Variants in ZNF385D observed in about 807,000 individuals in gnomAD.
The protein encoded by ZNF385D is zinc finger protein 659.
Under a neutral mutation model 35.8 loss-of-function variants are expected in ZNF385D, and 15 were observed. That is an observed-to-expected ratio of 0.42 (90% CI 0.28 to 0.64). The LOEUF is 0.64. Among genes scored for constraint, ZNF385D ranks in the 30% least tolerant of loss-of-function variants. The pLI is 0.23. For synonymous variants in ZNF385D, 212 were observed against 186.8 expected, an observed-to-expected ratio of 1.13 and a Z score of -1.10; for missense variants, 474 against 494.6, an observed-to-expected ratio of 0.96 and a Z score of 0.39.
intron 3 of ZNF385D, among the ~76,000 whole-genome samples, chr3:22,059,181 T>C (rs1379529912): frequency 6.6e-6 from 1 of 152,170 alleles, no homozygotes; most frequent in Admixed American, 6.6e-5. Flanking sequence ...TGGAGGTGAC[T>C]GCCCTCTGGT....
At chr3:22,209,190 A>T (rs576673142) in intron 2 of ZNF385D, among the ~76,000 whole-genome samples, 2 of 152,058 alleles carry the variant, frequency 1.3e-5, no homozygotes, top group South Asian at 4.1e-4. Context: ...GGAGAGTTAC[A>T]AAAAGAGAGC....
intron 3 of ZNF385D, among the ~76,000 whole-genome samples, chr3:21,935,754 G>C (rs1447491419): frequency 3.4e-5 from 4 of 118,288 alleles, no homozygotes; most frequent in Non-Finnish European, 5.5e-5. Context: ...TACAACACTG[G>C]ACTTGAAACT....
At chr3:22,180,898 G>A (rs1695204538) in intron 2 of ZNF385D, among the ~76,000 whole-genome samples, 1 of 105,020 alleles carries the variant, frequency 9.5e-6, no homozygotes, top group Admixed American at 8.5e-5. Flanking sequence ...AAATCCAGTA[G>A]CTATATGCTT....
In ZNF385D at chr3:21,848,460, G is replaced by T. The variant is rs9874145; in HGVS notation, c.326-183432C>A. Among the ~76,000 whole-genome samples, 574 of 150,882 alleles carry T rather than the reference G, an allele frequency of 3.8e-3. 2 individuals carry two copies. Among genetic ancestry groups the T allele is most frequent in the African/African-American group, 0.013 (533 of 40,510 alleles). On this transcript the variant is annotated intron_variant, in intron 3 of 5. Transcript: ENST00000494108. ...AAACAACAAATATATAAATAAAATT[G>T]AGTTGGTTTTTTAAAAGATAAAATT... is the stretch of plus-strand genomic sequence containing the variant.
intron 3 of ZNF385D, among the ~76,000 whole-genome samples, chr3:21,924,157 CT>C (rs1184830598): frequency 6.6e-6 from 1 of 152,130 alleles, no homozygotes. Flanking sequence ...CTTCTGCTTC[CT>C]GGAAAATGGA....
chr3:22,080,903 A>T lies in ZNF385D; in HGVS notation c.325+87914T>A, dbSNP rs561474479. Among the ~76,000 whole-genome samples the T allele has an allele frequency of 2.2e-4, 34 of 152,220 alleles. No homozygotes were observed. The East Asian group carries it at 2.9e-3, about 13-fold the overall frequency. On this transcript the variant is annotated intron_variant, in intron 3 of 5. Coordinates refer to the ZNF385D transcript ENST00000494108. ...ACCACGAAACAGACACTCACCAGAC[A>T]CTGACCCTGCTGCTTCCTCAATCAT... is the stretch of plus-strand genomic sequence containing the variant.
intron 2 of ZNF385D, among the ~76,000 whole-genome samples, chr3:22,368,244 C>G (rs1696744031): frequency 6.6e-6 from 1 of 152,128 alleles, no homozygotes; most frequent in African/African-American, 2.4e-5. Flanking sequence ...CTAGTATACT[C>G]TACTGGTTTA....
intron 3 of ZNF385D, among the ~76,000 whole-genome samples, chr3:21,811,211 T>A (rs2072906354): frequency 6.6e-6 from 1 of 152,124 alleles, no homozygotes; most frequent in Non-Finnish European, 1.5e-5. Flanking sequence ...GCTTATTCTA[T>A]TAGAAATTCT....
intron 3 of ZNF385D, among the ~76,000 whole-genome samples, chr3:21,919,292 A>G (rs1284942290): frequency 1.3e-5 from 2 of 152,186 alleles, no homozygotes; most frequent in African/African-American, 4.8e-5. Flanking sequence ...GTTGCCTGGC[A>G]TCAGGGAGTT....
chr3:22,102,698 A>G (rs1702000984), intron 3 of ZNF385D, among the ~76,000 whole-genome samples: 1 of 152,078 alleles, frequency 6.6e-6, no homozygotes, highest in Non-Finnish European at 1.5e-5. Context: ...CCTATATTTA[A>G]ACTTAGAAGG....
chr3:21,426,211 A>G (rs1249828770), intron 5 of ZNF385D, among the ~76,000 whole-genome samples: 1 of 152,168 alleles, frequency 6.6e-6, no homozygotes, highest in African/African-American at 2.4e-5. Flanking sequence ...TTAGGTTCCA[A>G]GTGAGAGTAA....
intron 2 of ZNF385D, among the ~76,000 whole-genome samples, chr3:22,304,371 A>G (rs1386459085): frequency 6.6e-6 from 1 of 152,114 alleles, no homozygotes; most frequent in South Asian, 2.1e-4. Flanking sequence ...AAGATTCTTG[A>G]ATCTATGTAT....
intron 2 of ZNF385D, among the ~76,000 whole-genome samples, chr3:22,346,796 T>G (rs992834733): frequency 6.6e-6 from 1 of 152,206 alleles, no homozygotes; most frequent in African/African-American, 2.4e-5. Context: ...CAAGGGAGTT[T>G]TCTAATGTGT....
intron 3 of ZNF385D, among the ~76,000 whole-genome samples, chr3:21,983,574 T>C (rs1453379370): frequency 6.9e-6 from 1 of 145,156 alleles, no homozygotes; most frequent in Non-Finnish European, 1.5e-5. Flanking sequence ...TTGTTGGACA[T>C]TTGGGTTGGT....
At chr3:22,156,029 T>C (rs770990197) in intron 3 of ZNF385D, among the ~76,000 whole-genome samples, 3 of 152,086 alleles carry the variant, frequency 2.0e-5, no homozygotes, top group Non-Finnish European at 4.4e-5. Context: ...GTAACTCCCA[T>C]GTATGACATC....
chr3:21,669,817 T>C lies in ZNF385D; in HGVS notation c.23-4789A>G, dbSNP rs543226409. 3.3e-5 allele frequency among the ~76,000 whole-genome samples: 5 copies of C among 152,340 alleles called. No individual in the cohort carries two copies. The East Asian group carries it at 7.7e-4, about 24-fold the overall frequency. ...TAATTTTAAAGCTACCTTCATTTTTTTCTCTTCGCTTATCTTGACTGCCTC... is the reference window on the plus strand; with the variant it reads ...TAATTTTAAAGCTACCTTCATTTTTCTCTCTTCGCTTATCTTGACTGCCTC... On this transcript the variant is annotated intron_variant, in intron 1 of 7. Coordinates refer to ENST00000281523, the MANE Select transcript of ZNF385D (RefSeq NM_024697.3).
intron 2 of ZNF385D, among the ~76,000 whole-genome samples, chr3:21,587,613 A>T (rs546522404): frequency 2.0e-5 from 3 of 152,302 alleles, no homozygotes; most frequent in South Asian, 2.1e-4. Flanking sequence ...TGTGTAGTAG[A>T]TATGTAAGAA....
At chr3:21,614,892 A>T (rs1303567789) in intron 2 of ZNF385D, among the ~76,000 whole-genome samples, 1 of 152,156 alleles carries the variant, frequency 6.6e-6, no homozygotes, top group East Asian at 1.9e-4. Context: ...CGGCCCCTGA[A>T]GTACAGTTTT....
chr3:21,523,855 AGAG>A (rs1708063120), intron 3 of ZNF385D, among the ~76,000 whole-genome samples: 1 of 152,174 alleles, frequency 6.6e-6, no homozygotes, highest in African/African-American at 2.4e-5. Flanking sequence ...CTAGATGAGA[AGAG>A]GAGGGCAAGA....
Sources: gnomAD v4.1 joint callset for allele counts (sites outside exome capture counted in the v4.1 genomes callset) on GRCh38, gnomAD v4.1.1 for gene constraint, MANE v1.5 for transcripts, NCBI Gene and HGNC (gene_info 2026-07-23, HGNC 2026-07-21) for gene names.